Variants in ARHGAP44 observed in about 807,000 individuals in gnomAD.
ARHGAP44 encodes the protein rho GTPase-activating protein 44.
In ARHGAP44, 43 loss-of-function variants were observed where a neutral mutation model predicts 106.8. That is an observed-to-expected ratio of 0.40 (90% CI 0.32 to 0.52). ARHGAP44 has a LOEUF of 0.52. Ranked by LOEUF, ARHGAP44 falls within the 20% of genes least tolerant of loss-of-function variation. The pLI is 0.48. For synonymous variants in ARHGAP44, 439 were observed against 410.3 expected (o/e 1.07, Z -0.85); for missense variants, 866 against 1,050.5 (o/e 0.82, Z 2.43).
intron 18 of ARHGAP44, among the ~76,000 whole-genome samples, chr17:12,974,825 A>G (rs570047692): frequency 1.3e-5 from 2 of 152,068 alleles, no homozygotes; most frequent in African/African-American, 4.8e-5. Context: ...ATGCTGTAAT[A>G]AAATTATGTG....
chr17:12,927,573 T>C (rs1401151116), intron 6 of ARHGAP44, among the ~76,000 whole-genome samples: 1 of 152,210 alleles, frequency 6.6e-6, no homozygotes, highest in East Asian at 1.9e-4. Flanking sequence ...AAGAAATTAT[T>C]TGTTGCCACA....
intron 17 of ARHGAP44, chr17:12,973,813 G>C (rs529739655): frequency 3.5e-6 from 2 of 566,450 alleles, no homozygotes; most frequent in Non-Finnish European, 6.3e-6. Context: ...TTGAAGCACA[G>C]CTTGTGGCCG....
intron 1 of ARHGAP44, among the ~76,000 whole-genome samples, chr17:12,860,012 T>C (rs2036022615): frequency 6.6e-6 from 1 of 152,120 alleles, no homozygotes; most frequent in South Asian, 2.1e-4. Flanking sequence ...CCGTGGAGAT[T>C]AGGGCAGAAG....
chr17:12,916,123 C>A, intron 5 of ARHGAP44, 112 bp downstream of exon 5: 2 of 823,340 alleles, frequency 2.4e-6, no homozygotes, highest in Non-Finnish European at 3.8e-6. Flanking sequence ...TTCTCCCCAA[C>A]ATTGTTTTTC....
rs536569281 is a variant in ARHGAP44 at position 12,813,306 on chromosome 17, T to G, written c.53+23415T>G. On this transcript the variant is annotated intron_variant, in intron 1 of 20. Transcript: ENST00000379672. ...GTGAAAAGTTAAAGGAGGTTTTTTG[T>G]TTTTTTTTTTTAGAAAGATAAAGAG... Among the ~76,000 whole-genome samples, 9 of 109,256 alleles carry G rather than the reference T, an allele frequency of 8.2e-5. No homozygotes were observed. In the East Asian group the frequency reaches 2.1e-3, roughly 25 times the overall value. 71.7% of individuals were successfully genotyped at this position (109,256 alleles called of 152,430 possible).
chr17:12,877,325 A>G (rs2036586975), intron 1 of ARHGAP44, among the ~76,000 whole-genome samples: 2 of 152,160 alleles, frequency 1.3e-5, no homozygotes, highest in South Asian at 4.1e-4. Flanking sequence ...GAAAAGGTTG[A>G]TTTGATTGAT....
Position 12,789,858 on chromosome 17 carries a change from G to A in ARHGAP44, c.20G>A (p.Arg7His), listed in dbSNP as rs867196765. MKKQFN[R>H]MRQLANQTVG... ...GCCACGATGAAGAAGCAGTTCAATCGCATGCGCCAGCTGGCCAACCAGACG... is the reference window on the plus strand; with the variant it reads ...GCCACGATGAAGAAGCAGTTCAATCACATGCGCCAGCTGGCCAACCAGACG... Residue 7 changes from arginine to histidine, a missense_variant, in exon 1 of 21, where the codon CGC becomes CAC. By Grantham distance (29) the Arg-to-His change is conservative (BLOSUM62 0). Coordinates refer to ENST00000379672, the MANE Select transcript of ARHGAP44 (RefSeq NM_014859.6). 2 of 1,522,122 alleles carry A rather than the reference G, an allele frequency of 1.3e-6. No homozygotes were observed. The highest frequency in any genetic ancestry group is 2.2e-5 in the Admixed American group (1 of 45,220). 94.3% of individuals were successfully genotyped at this position (1,522,122 alleles called of 1,614,324 possible). A position where few individuals can be genotyped will look rare whatever the true frequency, so the allele number is the denominator to read the frequency against.
At chr17:12,972,246 C>A (rs936045086) in intron 16 of ARHGAP44, among the ~76,000 whole-genome samples, 41 of 152,278 alleles carry the variant, frequency 2.7e-4, no homozygotes, top group Non-Finnish European at 5.4e-4. Context: ...AATGTGAGCC[C>A]TTACCTTAGT....
chr17:12,919,912 T>C (rs2038025284), intron 6 of ARHGAP44, 81 bp downstream of exon 6: 1 of 1,222,290 alleles, frequency 8.2e-7, no homozygotes, highest in Non-Finnish European at 1.2e-6. Context: ...AAGTAGGCAA[T>C]TGTGTTTTCA....
intron 1 of ARHGAP44, among the ~76,000 whole-genome samples, chr17:12,873,453 C>T (rs1368097056): frequency 1.3e-5 from 2 of 152,200 alleles, no homozygotes; most frequent in South Asian, 2.1e-4. Flanking sequence ...AATAATTGCT[C>T]TAATGATTTG....
chr17:12,811,051 G>A (rs573042023), intron 1 of ARHGAP44, among the ~76,000 whole-genome samples: 150 of 152,278 alleles, frequency 9.9e-4, no homozygotes, highest in Non-Finnish European at 1.6e-3. Context: ...GGTGGCTCAA[G>A]CCTGTAATCC....
chr17:12,894,241 AGTGTGT>A (rs60415791), intron 1 of ARHGAP44, among the ~76,000 whole-genome samples: 43 of 148,094 alleles, frequency 2.9e-4, no homozygotes, highest in African/African-American at 9.2e-4. Context: ...AGAGAGAGAG[AGTGTGT>A]GTGTGTGTGT....
intron 4 of ARHGAP44, among the ~76,000 whole-genome samples, chr17:12,911,552 G>T (rs1444067734): frequency 6.6e-6 from 1 of 152,154 alleles, no homozygotes; most frequent in Non-Finnish European, 1.5e-5. Context: ...TGGAATAGTG[G>T]GTCTTTGGGG....
chr17:12,833,024 G>A (rs2035133017), intron 1 of ARHGAP44, among the ~76,000 whole-genome samples: 1 of 152,180 alleles, frequency 6.6e-6, no homozygotes, highest in Non-Finnish European at 1.5e-5. Context: ...CTGTGCCTGG[G>A]CACAGTACTA....
chr17:12,873,458 G>A (rs999001564), intron 1 of ARHGAP44, among the ~76,000 whole-genome samples: 6 of 152,222 alleles, frequency 3.9e-5, no homozygotes, highest in African/African-American at 1.2e-4. Context: ...TTGCTCTAAT[G>A]ATTTGTGTGA....
Position 12,956,677 on chromosome 17 carries a change from A to G in ARHGAP44, c.1273A>G (p.Thr425Ala). Residue 425 changes from threonine (T) to alanine (A), a missense_variant, in exon 15 of 21, where the codon ACA becomes GCA. Transcript: ENST00000379672. ...CAGGAACATTACAGAGATGATGACCACAGTGTCGCTGCAAATTGTTGGGAT... is the reference window on the plus strand; with the variant it reads ...CAGGAACATTACAGAGATGATGACCGCAGTGTCGCTGCAAATTGTTGGGAT... ...AEGNITEMMT[T>A]VSLQIVGIIE... 3 of 1,614,146 alleles carry G rather than the reference A, an allele frequency of 1.9e-6. No homozygotes were observed. Among genetic ancestry groups the G allele is most frequent in the Non-Finnish European group, 2.5e-6 (3 of 1,180,012 alleles).
chr17:12,841,577 G>GTCTGTCTGTCTCTC (rs369886457), intron 1 of ARHGAP44, among the ~76,000 whole-genome samples: 20 of 120,276 alleles, frequency 1.7e-4, no homozygotes, highest in African/African-American at 3.8e-4. Context: ...GTGAGACCCT[G>GTCTGTCTGTCTCTC]TCTCTCTGTC....
At chr17:12,959,112 A>G in intron 16 of ARHGAP44, 1 of 581,456 alleles carries the variant, frequency 1.7e-6, no homozygotes, top group South Asian at 2.0e-5. Context: ...TTCTTAGCTG[A>G]CACAGTTGTG....
At chr17:12,948,752 C>CCCA (rs2038922576) in intron 10 of ARHGAP44, among the ~76,000 whole-genome samples, 5 of 140,794 alleles carry the variant, frequency 3.6e-5, no homozygotes, top group African/African-American at 1.4e-4. Flanking sequence ...ACACACACAC[C>CCCA]CCCTGTAGAC....
Sources: gnomAD v4.1 joint callset for allele counts (sites outside exome capture counted in the v4.1 genomes callset) on GRCh38, gnomAD v4.1.1 for gene constraint, MANE v1.5 for transcripts, NCBI Gene and HGNC (gene_info 2026-07-23, HGNC 2026-07-21) for gene names.